The following CACNA1B variants were observed in gnomAD, a reference collection of about 807,000 sequenced individuals.
CACNA1B encodes the protein calcium voltage-gated channel subunit alpha1 B.
In CACNA1B, 70 loss-of-function variants were observed where a neutral mutation model predicts 247.2. The observed-to-expected ratio is 0.28, with a 90% CI of 0.23 to 0.35. The LOEUF is 0.35. Ranked by LOEUF, CACNA1B falls within the 10% of genes least tolerant of loss-of-function variation. The pLI is 1.00. For missense variants in CACNA1B, 2,367 were observed against 3,197.4 expected, an observed-to-expected ratio of 0.74 and a Z score of 6.26; for synonymous variants, 1,231 against 1,294.4, an observed-to-expected ratio of 0.95 and a Z score of 1.05.
chr9:138,045,833 T>A (rs1589092062), intron 21 of CACNA1B, among the ~76,000 whole-genome samples: 1 of 152,232 alleles, frequency 6.6e-6, no homozygotes, highest in Admixed American at 6.5e-5. Flanking sequence ...GCTAGATGGC[T>A]GAGTTCCCTT....
intron 25 of CACNA1B, 91 bp from the exon 26 acceptor site, chr9:138,053,755 C>T: frequency 1.0e-6 from 1 of 964,918 alleles, no homozygotes; most frequent in Non-Finnish European, 1.6e-6. Context: ...GTGGCTCCAC[C>T]CCTCCCCGTG....
intron 16 of CACNA1B, among the ~76,000 whole-genome samples, chr9:138,008,585 A>G (rs952747271): frequency 2.0e-5 from 3 of 152,202 alleles, no homozygotes; most frequent in African/African-American, 7.2e-5. Context: ...CCAGCCAGAG[A>G]GGGACCTGAC....
chr9:137,913,076 G>A lies in CACNA1B; in HGVS notation c.531-104G>A, dbSNP rs1957375250. The A allele has an allele frequency of 1.2e-6, 1 of 831,790 alleles. No homozygotes were observed. The highest frequency in any genetic ancestry group is 2.0e-6 in the Non-Finnish European group (1 of 506,510). 51.5% of individuals were successfully genotyped at this position (831,790 alleles called of 1,614,324 possible). On this transcript the variant is annotated intron_variant, in intron 3 of 46. Coordinates refer to ENST00000371372, the MANE Select transcript of CACNA1B (RefSeq NM_000718.4). This position sits in a 1 kb window ranked among gnomAD's most constrained non-coding sequence, Gnocchi z 5.2. ...ACAGTGGGGACACAGGAATGAAGGT[G>A]TCACTGCTCTTGGGAGACATGACCC...
In CACNA1B at chr9:138,120,391, G is replaced by A. The variant is rs79636270; in HGVS notation, c.6238+19G>A. ...GATGGCGGTGCGTGCGGAGGGGCCC[G>A]GGGAGTCCTTCGGGGAGCTATGGCC... On this transcript the variant is annotated intron_variant, in intron 45 of 46. Transcript: ENST00000371372. 7.9e-4 allele frequency: 1,208 copies of A among 1,531,106 alleles called. 3 individuals are homozygous for A. Among genetic ancestry groups the A allele is most frequent in the Non-Finnish European group, 1.0e-3 (1,163 of 1,142,446 alleles). The allele number at this position is 1,531,106 out of a possible 1,614,324, so 94.8% of individuals were successfully genotyped here.
At chr9:137,878,966 A>T in intron 1 of CACNA1B, 88 bp from the exon 2 acceptor site, 1 of 788,914 alleles carries the variant, frequency 1.3e-6, no homozygotes. Context: ...GAGACGGCCT[A>T]GCGGTGGCTG....
Position 137,974,509 on chromosome 9 carries a change from C to T in CACNA1B, c.1544-1398C>T, listed in dbSNP as rs1012688103. On this transcript the variant is annotated intron_variant, in intron 11 of 46. Coordinates refer to ENST00000371372, the MANE Select transcript of CACNA1B (RefSeq NM_000718.4). This position sits in a 1 kb window ranked among gnomAD's most constrained non-coding sequence, Gnocchi z 4.5. ...TCCCTGAGACTCCTGTCTGTTTGTACGGTGCCTGAGTGGTCTGTGAAGTTG... is the reference window on the plus strand; with the variant it reads ...TCCCTGAGACTCCTGTCTGTTTGTATGGTGCCTGAGTGGTCTGTGAAGTTG... 9.9e-5 allele frequency among the ~76,000 whole-genome samples: 15 copies of T among 152,172 alleles called. No individual in the cohort carries two copies. The highest frequency in any genetic ancestry group is 2.9e-4 in the African/African-American group (12 of 41,432).
At chr9:138,069,179 G>T (rs1417743700) in intron 31 of CACNA1B, among the ~76,000 whole-genome samples, 1 of 152,162 alleles carries the variant, frequency 6.6e-6, no homozygotes, top group African/African-American at 2.4e-5. Flanking sequence ...TTTTGTTTGT[G>T]TGTCTGTTTT....
intron 6 of CACNA1B, among the ~76,000 whole-genome samples, chr9:137,928,408 C>CT (rs1564193869): frequency 1.3e-5 from 2 of 152,200 alleles, no homozygotes; most frequent in South Asian, 2.1e-4. Flanking sequence ...TATGATTTTC[C>CT]TTTTTTTGTA....
At chr9:137,976,060 T>C (rs900587742) in intron 12 of CACNA1B, 41 bp downstream of exon 12, 4 of 1,220,630 alleles carry the variant, frequency 3.3e-6, no homozygotes, top group Non-Finnish European at 4.8e-6. Flanking sequence ...CTGTATCCTT[T>C]CCTGCAGGTG....
chr9:137,904,543 T>A (rs891016866), intron 3 of CACNA1B, among the ~76,000 whole-genome samples: 1 of 151,824 alleles, frequency 6.6e-6, no homozygotes, highest in Non-Finnish European at 1.5e-5. Flanking sequence ...TAAAAAAATT[T>A]TTTTTTTGTA....
intron 39 of CACNA1B, 121 bp from the exon 40 acceptor site, chr9:138,112,277 T>TACCCCATCTCCGC: frequency 2.9e-6 from 2 of 696,312 alleles, no homozygotes; most frequent in Admixed American, 4.2e-5. Flanking sequence ...GCACCGTCTG[T>TACCCCATCTCCGC]ACCCCATCTC....
rs970169990 is a variant in CACNA1B, at chr9:137,917,014, G to C, written c.776-227G>C. Among the ~76,000 whole-genome samples the C allele has an allele frequency of 6.6e-6, 1 of 152,144 alleles. No individual in the cohort carries two copies. The highest frequency in any genetic ancestry group is 1.5e-5 in the Non-Finnish European group (1 of 68,022). On this transcript the variant is annotated intron_variant, in intron 5 of 46. Transcript: ENST00000371372. The surrounding 1 kb of genome is among the most constrained non-coding windows in gnomAD (Gnocchi z 5.5). Reference sequence around the variant, plus strand: ...GGTGGGCAGGTTCCAGTAGGAGGGAGAGGCCAGCCGTTACTCCCTGAGTTG... The same window carrying C: ...GGTGGGCAGGTTCCAGTAGGAGGGACAGGCCAGCCGTTACTCCCTGAGTTG...
At chr9:138,009,786 A>G (rs1179946691) in intron 16 of CACNA1B, among the ~76,000 whole-genome samples, 1 of 152,034 alleles carries the variant, frequency 6.6e-6, no homozygotes, top group Non-Finnish European at 1.5e-5. Context: ...TGGGAGGCTG[A>G]GCAAAGGAGG....
rs201071261 is a variant in CACNA1B, at chr9:137,917,416, T to C, written c.951T>C (p.Thr317=). The part of the protein sequence containing the change: ...VFQCITMEGW[T]DILYNTNDAA... Reference sequence around the variant, plus strand: ...AGTGCATCACCATGGAGGGCTGGACTGACATCCTCTATAATGTGAGTGGCG... The same window carrying C: ...AGTGCATCACCATGGAGGGCTGGACCGACATCCTCTATAATGTGAGTGGCG... Residue 317 remains threonine (T), a synonymous_variant, in exon 6 of 47, where the codon ACT becomes ACC. Coordinates refer to ENST00000371372, the MANE Select transcript of CACNA1B (RefSeq NM_000718.4). This position sits in a 1 kb window ranked among gnomAD's most constrained non-coding sequence, Gnocchi z 5.5. 5.0e-6 allele frequency: 8 copies of C among 1,613,632 alleles called. No homozygotes were observed. The highest frequency in any genetic ancestry group is 6.8e-6 in the Non-Finnish European group (8 of 1,179,720).
Position 137,971,249 on chromosome 9 carries a change from T to C in CACNA1B, c.1334-134T>C. ...AGCTGTGAAGTGGAGGTCACAGGGG[T>C]CACTGGCACAATTGTCTGTGACCGG... On this transcript the variant is annotated intron_variant, in intron 10 of 46. Transcript: ENST00000371372. The surrounding 1 kb of genome is among the most constrained non-coding windows in gnomAD (Gnocchi z 4.4). 1 of 655,796 alleles carries C rather than the reference T, an allele frequency of 1.5e-6. No individual in the cohort carries two copies. Among genetic ancestry groups the C allele is most frequent in the Non-Finnish European group, 2.7e-6 (1 of 367,510 alleles). The allele number at this position is 655,796 out of a possible 1,614,324, so 40.6% of individuals were successfully genotyped here. A position where few individuals can be genotyped will look rare whatever the true frequency, so the allele number is the denominator to read the frequency against.
rs1477379118 is a variant in CACNA1B, at chr9:138,072,163, G to C, written c.4675-1325G>C. Among the ~76,000 whole-genome samples, 2 of 152,152 alleles carry C rather than the reference G, an allele frequency of 1.3e-5. No homozygotes were observed. The highest frequency in any genetic ancestry group is 1.3e-4 in the Admixed American group (2 of 15,282). ...CTGATTTGGATCATAGCCCGTCCTT[G>C]TGCCCACTGGCCATGGATATCATTC... On this transcript the variant is annotated intron_variant, in intron 32 of 46. Coordinates refer to ENST00000371372, the MANE Select transcript of CACNA1B (RefSeq NM_000718.4). This position sits in a 1 kb window ranked among gnomAD's most constrained non-coding sequence, Gnocchi z 4.5.
intron 36 of CACNA1B, among the ~76,000 whole-genome samples, chr9:138,093,746 AAAACTAAT>A (rs577567933): frequency 3.9e-5 from 6 of 152,104 alleles, no homozygotes; most frequent in South Asian, 4.2e-4. Context: ...TCTCAAAAAA[AAAACTAAT>A]AAATTAATTA....
At chr9:138,090,701 CAAA>C (rs1173964720) in intron 36 of CACNA1B, among the ~76,000 whole-genome samples, 47 of 16,582 alleles carry the variant, frequency 2.8e-3, no homozygotes, top group African/African-American at 0.018. Flanking sequence ...AACCCATCAG[CAAA>C]AAAAAAAAAA....
rs1473060973 is a variant in CACNA1B at position 138,073,447 on chromosome 9, G to A, written c.4675-41G>A. 7 of 1,298,892 alleles carry A rather than the reference G, an allele frequency of 5.4e-6. No individual in the cohort carries two copies. The highest frequency in any genetic ancestry group is 2.3e-5 in the East Asian group (1 of 43,224). 80.5% of individuals were successfully genotyped at this position (1,298,892 alleles called of 1,614,324 possible). A position where few individuals can be genotyped will look rare whatever the true frequency, so the allele number is the denominator to read the frequency against. On this transcript the variant is annotated intron_variant, in intron 32 of 46. Transcript: ENST00000371372. This position sits in a 1 kb window ranked among gnomAD's most constrained non-coding sequence, Gnocchi z 6.4. ...GTGGCAGCAGCTTGCCTGCGCTTTC[G>A]GGGCTTCTGAAGGTCAGAGAACAAT...
Sources: allele counts gnomAD v4.1 joint callset (sites outside exome capture counted in the v4.1 genomes callset), GRCh38; gene constraint gnomAD v4.1.1; non-coding constraint Gnocchi (gnomAD v3.1); transcripts MANE v1.5; gene names NCBI Gene and HGNC (gene_info 2026-07-23, HGNC 2026-07-21).